ATP10B: variants seen among roughly 807,000 people sequenced by gnomAD.
ATP10B encodes the protein ATPase phospholipid transporting 10B (putative), also known as phospholipid-transporting ATPase VB.
In ATP10B, 122 loss-of-function variants were observed where a neutral mutation model predicts 141.2. That is an observed-to-expected ratio of 0.86 (90% CI 0.75 to 1.00). The LOEUF (loss-of-function observed/expected upper bound fraction) is 1.00, where lower values mean the gene tolerates loss of function less well. Ranked by LOEUF, ATP10B falls within the 50% of genes least tolerant of loss-of-function variation. ATP10B has a pLI of 0.00. For synonymous variants in ATP10B, 685 were observed against 692.0 expected, an observed-to-expected ratio of 0.99 and a Z score of 0.16; for missense variants, 1,876 against 1,825.3, an observed-to-expected ratio of 1.03 and a Z score of -0.51.
intron 2 of ATP10B, among the ~76,000 whole-genome samples, chr5:160,749,860 C>T (rs947688056): frequency 6.6e-6 from 1 of 152,182 alleles, no homozygotes; most frequent in South Asian, 2.1e-4. Context: ...ATATAGGCCA[C>T]ACCCTATCTT....
intron 1 of ATP10B, among the ~76,000 whole-genome samples, chr5:160,802,834 C>T (rs1266031707): frequency 6.6e-6 from 1 of 152,166 alleles, no homozygotes; most frequent in African/African-American, 2.4e-5. Flanking sequence ...TTTTGTCTGG[C>T]TTCTTCTCAT....
At chr5:160,788,754 C>T (rs1771356807) in intron 1 of ATP10B, among the ~76,000 whole-genome samples, 1 of 152,150 alleles carries the variant, frequency 6.6e-6, no homozygotes. Context: ...GGGTAAGGCA[C>T]TGTGCTGACT....
At chr5:160,906,266 A>G in the ATP10B span, among the ~76,000 whole-genome samples, 10 of 152,136 alleles carry the variant, frequency 6.6e-5, no homozygotes, top group Non-Finnish European at 1.3e-4. Flanking sequence ...GACCTTTGAG[A>G]CATTTCACTA....
intron 2 of ATP10B, among the ~76,000 whole-genome samples, chr5:160,775,134 C>T (rs1018788001): frequency 3.3e-5 from 5 of 152,172 alleles, no homozygotes; most frequent in South Asian, 2.1e-4. Context: ...TAGCCGTGGC[C>T]GTGTTTATCA....
At chr5:160,899,319 A>T in the ATP10B span, among the ~76,000 whole-genome samples, 1 of 152,062 alleles carries the variant, frequency 6.6e-6, no homozygotes, top group East Asian at 1.9e-4. Context: ...ATAATACCAA[A>T]TTTTCTAATA....
intron 2 of ATP10B, among the ~76,000 whole-genome samples, chr5:160,721,751 G>T (rs1006502178): frequency 6.6e-6 from 1 of 152,098 alleles, no homozygotes; most frequent in Admixed American, 6.5e-5. Flanking sequence ...TATATTCCCC[G>T]ATTACTATCC....
chr5:160,886,369 G>A, the ATP10B span, among the ~76,000 whole-genome samples: 1 of 152,180 alleles, frequency 6.6e-6, no homozygotes, highest in Non-Finnish European at 1.5e-5. Context: ...AAAGCATCTC[G>A]GGATAATTTT....
At chr5:160,862,306 G>C in the ATP10B span, among the ~76,000 whole-genome samples, 3 of 151,994 alleles carry the variant, frequency 2.0e-5, no homozygotes, top group Non-Finnish European at 2.9e-5. Context: ...CACAGAAGCA[G>C]AGCTAAGCCT....
chr5:160,782,972 T>G (rs1470429360), intron 2 of ATP10B, among the ~76,000 whole-genome samples: 1 of 152,168 alleles, frequency 6.6e-6, no homozygotes, highest in Non-Finnish European at 1.5e-5. Context: ...TATTACAAAT[T>G]ACATATACAC....
intron 3 of ATP10B, among the ~76,000 whole-genome samples, chr5:160,707,887 A>G (rs886550028): frequency 1.3e-5 from 2 of 152,218 alleles, no homozygotes; most frequent in Non-Finnish European, 2.9e-5. Flanking sequence ...CGATAAATCA[A>G]TCAGACACTA....
chr5:160,592,311 A>G (rs1339009030), intron 22 of ATP10B, among the ~76,000 whole-genome samples: 1 of 152,210 alleles, frequency 6.6e-6, no homozygotes, highest in East Asian at 1.9e-4. Context: ...GGGGTTCTAT[A>G]GATGCATCTC....
In ATP10B at chr5:160,770,533, G is replaced by T. The variant is rs572390072; in HGVS notation, c.-331+15026C>A. On this transcript the variant is annotated intron_variant, in intron 2 of 25. Coordinates refer to ENST00000327245, the MANE Select transcript of ATP10B (RefSeq NM_025153.3). ...CAAAATTAAGTTATTTGAAATATGG[G>T]TAGCTCCCAATTTATTTATTCAGGA... 4.6e-5 allele frequency among the ~76,000 whole-genome samples: 7 copies of T among 152,142 alleles called. No individual in the cohort carries two copies. The South Asian group carries it at 1.5e-3, about 32-fold the overall frequency.
chr5:160,671,036 G>T (rs1044506862), intron 6 of ATP10B, among the ~76,000 whole-genome samples: 4 of 151,572 alleles, frequency 2.6e-5, no homozygotes, highest in Non-Finnish European at 5.9e-5. Flanking sequence ...GTGGTGGTGC[G>T]TGCCTGTAGT....
At chr5:160,660,443 A>C (rs986339228) in intron 7 of ATP10B, among the ~76,000 whole-genome samples, 1 of 152,224 alleles carries the variant, frequency 6.6e-6, no homozygotes, top group Non-Finnish European at 1.5e-5. Context: ...CCATGAGTTC[A>C]TATTGATGCT....
chr5:160,879,280 G>C, the ATP10B span, among the ~76,000 whole-genome samples: 1 of 57,786 alleles, frequency 1.7e-5, no homozygotes, highest in Non-Finnish European at 3.5e-5. Flanking sequence ...GTAAACTATC[G>C]CAAGAACAAA....
intron 1 of ATP10B, among the ~76,000 whole-genome samples, chr5:160,812,014 CAGAGACAGAGAGAGAGAGAGAG>C (rs1433882166): frequency 5.1e-5 from 6 of 118,030 alleles, no homozygotes; most frequent in Admixed American, 1.7e-4. Flanking sequence ...GAGACAGAGA[CAGAGACAGAGAGAGAGAGAGAG>C]AGAGAGAGAG....
the ATP10B span, among the ~76,000 whole-genome samples, chr5:160,926,652 T>G: frequency 6.6e-6 from 1 of 152,190 alleles, no homozygotes; most frequent in South Asian, 2.1e-4. Flanking sequence ...ACCACCAGCA[T>G]GTGAAATACT....
At chr5:160,891,634 C>T in the ATP10B span, among the ~76,000 whole-genome samples, 1 of 152,082 alleles carries the variant, frequency 6.6e-6, no homozygotes, top group Non-Finnish European at 1.5e-5. Context: ...GATGGGGTTT[C>T]ACCATGTTGG....
intron 1 of ATP10B, among the ~76,000 whole-genome samples, chr5:160,825,401 T>G (rs1228882058): frequency 6.6e-6 from 1 of 152,228 alleles, no homozygotes; most frequent in African/African-American, 2.4e-5. Flanking sequence ...GATGATTTTA[T>G]AAGGGGAAAC....
Sources: gnomAD v4.1 joint callset for allele counts (sites outside exome capture counted in the v4.1 genomes callset) on GRCh38, gnomAD v4.1.1 for gene constraint, MANE v1.5 for transcripts, NCBI Gene and HGNC (gene_info 2026-07-23, HGNC 2026-07-21) for gene names.